Variants in OPRM1 observed in about 807,000 individuals in gnomAD.
OPRM1 encodes the protein opioid receptor mu 1.
Under a neutral mutation model 31.8 loss-of-function variants are expected in OPRM1, and 27 were observed. That is an observed-to-expected ratio of 0.85 (90% confidence interval 0.63 to 1.17). OPRM1 has a LOEUF of 1.17. Ranked by LOEUF, OPRM1 falls within the 50% of genes most tolerant of loss-of-function variation. The pLI, the probability that OPRM1 is intolerant of heterozygous loss-of-function variation, is 0.00. For missense variants in OPRM1, 536 were observed against 511.1 expected, an observed-to-expected ratio of 1.05 and a Z score of -0.47; for synonymous variants, 196 against 189.9, an observed-to-expected ratio of 1.03 and a Z score of -0.26.
At chr6:154,017,534 T>C (rs1778075643) in intron 1 of OPRM1, among the ~76,000 whole-genome samples, 1 of 152,156 alleles carries the variant, frequency 6.6e-6, no homozygotes, top group Non-Finnish European at 1.5e-5. Flanking sequence ...CGCACCTGGA[T>C]ACAGAGACTT....
intron 1 of OPRM1, among the ~76,000 whole-genome samples, chr6:154,064,153 A>G (rs556135652): frequency 6.6e-6 from 1 of 152,214 alleles, no homozygotes; most frequent in South Asian, 2.1e-4. Flanking sequence ...TTTCTGCTTT[A>G]TTTAATAGTA....
At chr6:154,180,369 T>C (rs1468461216) in intron 3 of OPRM1, among the ~76,000 whole-genome samples, 2 of 148,186 alleles carry the variant, frequency 1.3e-5, no homozygotes, top group African/African-American at 2.5e-5. Flanking sequence ...TATACTGAGC[T>C]AGTTTAACAA....
intron 3 of OPRM1, among the ~76,000 whole-genome samples, chr6:154,238,704 T>G (rs1780339106): frequency 6.6e-6 from 1 of 152,116 alleles, no homozygotes; most frequent in African/African-American, 2.4e-5. Flanking sequence ...TTATAATTTT[T>G]ATTTTTATTT....
chr6:154,221,012 C>T (rs1778822772), intron 3 of OPRM1, among the ~76,000 whole-genome samples: 1 of 152,220 alleles, frequency 6.6e-6, no homozygotes, highest in South Asian at 2.1e-4. Context: ...TTAATGACTT[C>T]TGTCCACTCC....
intron 3 of OPRM1, among the ~76,000 whole-genome samples, chr6:154,103,450 C>T (rs887864942): frequency 6.6e-6 from 1 of 152,130 alleles, no homozygotes; most frequent in African/African-American, 2.4e-5. Flanking sequence ...TAGGTAAACC[C>T]TATACCAATT....
intron 3 of OPRM1, chr6:154,159,916 C>T (rs1262889668): frequency 6.2e-6 from 10 of 1,613,676 alleles, no homozygotes; most frequent in East Asian, 2.2e-5. Context: ...AGGCGAAGCC[C>T]GCTGCTGCTG....
At chr6:154,194,583 C>A (rs1018356204) in intron 3 of OPRM1, among the ~76,000 whole-genome samples, 14 of 152,164 alleles carry the variant, frequency 9.2e-5, no homozygotes, top group African/African-American at 3.4e-4. Context: ...TACCTCCAAA[C>A]TCTAGATTAC....
intron 3 of OPRM1, among the ~76,000 whole-genome samples, chr6:154,187,071 T>C (rs1044647082): frequency 1.3e-5 from 2 of 152,200 alleles, no homozygotes; most frequent in Admixed American, 6.5e-5. Context: ...CTGCCGCTAG[T>C]CTTCAATCAC....
chr6:154,205,613 A>C (rs1247020798), intron 3 of OPRM1, among the ~76,000 whole-genome samples: 3 of 152,146 alleles, frequency 2.0e-5, no homozygotes. Context: ...AAACATACAC[A>C]CACAAAGAAA....
intron 1 of OPRM1, among the ~76,000 whole-genome samples, chr6:154,030,950 C>A (rs1778976544): frequency 6.6e-6 from 1 of 152,110 alleles, no homozygotes; most frequent in Admixed American, 6.5e-5. Flanking sequence ...GCTCTCTGAA[C>A]CTGCAAATGG....
chr6:154,185,442 C>G (rs1175183815), intron 3 of OPRM1, among the ~76,000 whole-genome samples: 3 of 152,112 alleles, frequency 2.0e-5, no homozygotes, highest in Non-Finnish European at 2.9e-5. Context: ...TCATAACTGC[C>G]ATCACTTGCC....
At chr6:154,152,390 A>AAGAAAGAAAGAAAGAG (rs1360734115) in intron 3 of OPRM1, among the ~76,000 whole-genome samples, 25 of 126,284 alleles carry the variant, frequency 2.0e-4, no homozygotes, top group Middle Eastern at 4.3e-3. Flanking sequence ...GAAAGAAAGA[A>AAGAAAGAAAGAAAGAG]AGAGAAATAG....
At chr6:154,135,692 G>T (rs546505458), downstream of OPRM1, among the ~76,000 whole-genome samples, 71 of 152,244 alleles carry the variant, frequency 4.7e-4, no homozygotes, top group Non-Finnish European at 8.8e-4. Flanking sequence ...CTTCTCCAAG[G>T]TACCTAGGCC....
At chr6:154,067,317 T>G (rs774383152) in intron 1 of OPRM1, among the ~76,000 whole-genome samples, 11 of 151,976 alleles carry the variant, frequency 7.2e-5, no homozygotes, top group Admixed American at 1.3e-4. Context: ...CTGTTTTTGC[T>G]GCATCATAAA....
chr6:154,019,298 T>C (rs971731944), intron 1 of OPRM1, among the ~76,000 whole-genome samples: 1 of 150,464 alleles, frequency 6.6e-6, no homozygotes, highest in Non-Finnish European at 1.5e-5. Context: ...AATTTCCATA[T>C]GACCATTGCT....
chr6:154,246,095 C>G (rs771318082), intron 3 of OPRM1, among the ~76,000 whole-genome samples: 47 of 152,058 alleles, frequency 3.1e-4, no homozygotes, highest in Admixed American at 1.7e-3. Context: ...CAAACCAACC[C>G]ATTTGATAAA....
chr6:154,048,183 C>T (rs1335858983), intron 1 of OPRM1, among the ~76,000 whole-genome samples: 1 of 152,134 alleles, frequency 6.6e-6, no homozygotes, highest in African/African-American at 2.4e-5. Context: ...CACTGAAAAC[C>T]ATTAGTGTGA....
rs770503197 is a variant in OPRM1 at position 154,089,846 on chromosome 6, C to A, written c.311C>A (p.Ala104Asp). ...CCTAGATACACCAAGATGAAGACTGCCACCAACATCTACATTTTCAACCTT... is the reference window on the plus strand; with the variant it reads ...CCTAGATACACCAAGATGAAGACTGACACCAACATCTACATTTTCAACCTT... Reference protein sequence around the residue: ...VIVRYTKMKTATNIYIFNLAL... With the variant: ...VIVRYTKMKTDTNIYIFNLAL... The change falls in exon 2 of 4, where the codon GCC becomes GAC. Residue 104 changes from alanine to aspartate, a missense_variant. By Grantham distance (126) the Ala-to-Asp change is moderately radical (BLOSUM62 -2). Coordinates refer to ENST00000330432, the MANE Select transcript of OPRM1 (RefSeq NM_000914.5). 98 of 1,612,576 alleles carry A rather than the reference C, an allele frequency of 6.1e-5. 1 individual carries two copies. In the South Asian group the frequency reaches 1.0e-3, roughly 16 times the overall value.
intron 1 of OPRM1, among the ~76,000 whole-genome samples, chr6:154,069,638 T>A (rs745727755): frequency 3.9e-5 from 6 of 152,116 alleles, no homozygotes; most frequent in Non-Finnish European, 7.4e-5. Context: ...AGTTTGGGGG[T>A]CTTACATTTA....
Sources: allele counts gnomAD v4.1 joint callset (sites outside exome capture counted in the v4.1 genomes callset), GRCh38; gene constraint gnomAD v4.1.1; transcripts MANE v1.5; gene names NCBI Gene and HGNC (gene_info 2026-07-23, HGNC 2026-07-21).